TSPAN33: variants seen among roughly 807,000 people sequenced by gnomAD.
TSPAN33 encodes tetraspanin-33.
TSPAN33 carries 27 observed loss-of-function variants against 34.8 expected under a neutral mutation model. The observed-to-expected ratio is 0.78, with a 90% CI of 0.57 to 1.07. TSPAN33 has a LOEUF of 1.07. TSPAN33 is among the 50% of genes least tolerant of loss of function. The pLI is 0.00. For missense variants in TSPAN33, 272 were observed against 324.9 expected (o/e 0.84, Z 1.25); for synonymous variants, 119 against 124.2 (o/e 0.96, Z 0.28).
intron 1 of TSPAN33, among the ~76,000 whole-genome samples, chr7:129,145,810 C>G (rs955751089): frequency 2.6e-5 from 4 of 151,662 alleles, no homozygotes; most frequent in Non-Finnish European, 5.9e-5. Context: ...GATTCCCATC[C>G]CACTCTGCCG....
At chr7:129,166,953 C>T in intron 6 of TSPAN33, 47 bp downstream of exon 6, 1 of 1,595,602 alleles carries the variant, frequency 6.3e-7, no homozygotes, top group Non-Finnish European at 8.5e-7. Flanking sequence ...CGAGCTGAGT[C>T]ACTTTCTGAT....
rs753717547 is a variant in TSPAN33, at chr7:129,164,522, C to T, written c.412C>T (p.Arg138Ter). ...CATCAACAATGCCATTGTGCACTAC[C>T]GAGATGACTTGGATCTGCAGAACCT... ...EIINNAIVHYRDDLDLQNLID... is the reference protein window; with the variant it reads ...EIINNAIVHY Residue 138 changes from arginine (R) to a stop codon, truncating the protein, a stop_gained, in exon 5 of 8, where the codon CGA (arginine) becomes TGA (stop). Transcript: ENST00000486685. LOFTEE classifies it high-confidence loss of function. 67 of 1,613,928 alleles carry T rather than the reference C, an allele frequency of 4.2e-5. No individual in the cohort carries two copies. The highest frequency in any genetic ancestry group is 5.3e-5 in the Non-Finnish European group (62 of 1,180,010).
rs1488836568 is a variant in TSPAN33, at chr7:129,167,973, GCC to G, written c.*104_*105del. The G allele has an allele frequency of 1.3e-6, 2 of 1,507,370 alleles. No homozygotes were observed. Among genetic ancestry groups the G allele is most frequent in the Non-Finnish European group, 1.8e-6 (2 of 1,129,850 alleles). 93.4% of individuals were successfully genotyped at this position (1,507,370 alleles called of 1,614,324 possible). On this transcript the variant is annotated 3_prime_UTR_variant, in exon 8 of 8. Transcript: ENST00000486685. The surrounding 1 kb of genome is among the most constrained non-coding windows in gnomAD (Gnocchi z 4.6). ...GCACCAAATGGAGATTTGGATTCCA[GCC>G]CCCCAGTGACAGCCCAGTGGGAAGA...
At chr7:129,154,227 C>G (rs950933633) in intron 1 of TSPAN33, among the ~76,000 whole-genome samples, 1 of 151,982 alleles carries the variant, frequency 6.6e-6, no homozygotes, top group Non-Finnish European at 1.5e-5. Context: ...GAGGCTGAGG[C>G]AGGAGAATCT....
In TSPAN33 at chr7:129,168,923, ACGCCACACACCTCCCCCTTGCTGCC is replaced by A. The variant is rs1235689950; in HGVS notation, c.*1058_*1082del. On this transcript the variant is annotated 3_prime_UTR_variant, in exon 8 of 8. Transcript: ENST00000486685. Reference sequence around the variant, plus strand: ...AGGACGGCACTGGAGACTCTCCTAAACGCCACACACCTCCCCCTTGCTGCCCGCCACACGCGCGTCTCCTTCAACC... The same window carrying A: ...AGGACGGCACTGGAGACTCTCCTAAACGCCACACGCGCGTCTCCTTCAACC... 1 of 152,030 alleles carries A rather than the reference ACGCCACACACCTCCCCCTTGCTGCC, an allele frequency of 6.6e-6. No individual in the cohort carries two copies. The highest frequency in any genetic ancestry group is 1.5e-5 in the Non-Finnish European group (1 of 68,074). The allele number at this position is 152,030 out of a possible 1,614,324, so 9.4% of individuals were successfully genotyped here.
At chr7:129,160,462 G>T (rs986465092) in intron 1 of TSPAN33, among the ~76,000 whole-genome samples, 7 of 152,190 alleles carry the variant, frequency 4.6e-5, no homozygotes, top group Admixed American at 4.6e-4. Context: ...GGTGGCCAAG[G>T]GAAGTAGGCA....
intron 1 of TSPAN33, among the ~76,000 whole-genome samples, chr7:129,160,052 C>CA: frequency 6.6e-6 from 1 of 151,850 alleles, no homozygotes; most frequent in East Asian, 1.9e-4. Context: ...CCTCACCCCG[C>CA]AAAAAAGAGG....
At chr7:129,156,958 C>T (rs1044823056) in intron 1 of TSPAN33, among the ~76,000 whole-genome samples, 1 of 152,206 alleles carries the variant, frequency 6.6e-6, no homozygotes, top group Non-Finnish European at 1.5e-5. Flanking sequence ...AAAAGCTAGA[C>T]TCAGCCATTT....
rs1231857757 is a variant in TSPAN33 at position 129,162,456 on chromosome 7, A to T, written c.223A>T (p.Met75Leu). 1.9e-6 allele frequency: 3 copies of T among 1,613,796 alleles called. No homozygotes were observed. Among genetic ancestry groups the T allele is most frequent in the African/African-American group, 2.7e-5 (2 of 74,888 alleles). Residue 75 changes from methionine to leucine, a missense_variant, in exon 3 of 8, where the codon ATG becomes TTG. Met to Leu is a conservative substitution (Grantham distance 15, BLOSUM62 2). Transcript: ENST00000486685. ...AILLIVVGVL[M>L]FLLTFCGCIG... ...CCTGCTGATCGTGGTGGGTGTCCTC[A>T]TGTTCCTGCTCACCTTCTGTGGCTG...
chr7:129,165,973 G>C lies in TSPAN33; in HGVS notation c.460-805G>C, dbSNP rs929354026. Among the ~76,000 whole-genome samples, 1 of 150,774 alleles carries C rather than the reference G, an allele frequency of 6.6e-6. No homozygotes were observed. The highest frequency in any genetic ancestry group is 2.4e-5 in the African/African-American group (1 of 41,034). On this transcript the variant is annotated intron_variant, in intron 5 of 7. Coordinates refer to ENST00000486685, the MANE Select transcript of TSPAN33 (RefSeq NM_178562.5). The surrounding 1 kb of genome is among the most constrained non-coding windows in gnomAD (Gnocchi z 4.5). ...TTTCCCTGAGACGGAGTCTTGCTCT[G>C]TTACCCAGGCTGGAGTACAATGGCG...
chr7:129,164,181 C>A (rs1029614590), intron 4 of TSPAN33, among the ~76,000 whole-genome samples: 1 of 152,140 alleles, frequency 6.6e-6, no homozygotes, highest in Non-Finnish European at 1.5e-5. Context: ...TTTTATCAGT[C>A]AACAAGTATT....
At chr7:129,155,880 A>G (rs1204724598) in intron 1 of TSPAN33, among the ~76,000 whole-genome samples, 1 of 151,940 alleles carries the variant, frequency 6.6e-6, no homozygotes, top group African/African-American at 2.4e-5. Flanking sequence ...ATGCACCACC[A>G]TACTCAGATT....
At chr7:129,164,699 A>G (rs1371406012) in intron 5 of TSPAN33, 130 bp downstream of exon 5, 1 of 786,716 alleles carries the variant, frequency 1.3e-6, no homozygotes, top group Admixed American at 1.9e-5. Flanking sequence ...GGGGTTTGGC[A>G]AAAAAGCACA....
At position 129,162,397 on chromosome 7, in the gene TSPAN33, C is replaced by A; in HGVS notation, c.164C>A (p.Ala55Glu). The A allele has an allele frequency of 6.2e-7, 1 of 1,612,820 alleles. No homozygotes were observed. The change falls in exon 3 of 8, where the codon GCA becomes GAA. Residue 55 changes from alanine to glutamate, a missense_variant. By Grantham distance (107) the Ala-to-Glu change is moderately radical (BLOSUM62 -1). Coordinates refer to ENST00000486685, the MANE Select transcript of TSPAN33 (RefSeq NM_178562.5). ...VYARLMKHAE[A>E]ALACLAVDPA... The stretch of plus-strand genomic sequence containing the variant: ...TGAGGGCCGGCTCCTTTTCCAGAAG[C>A]AGCCCTAGCCTGCCTGGCAGTGGAC...
In TSPAN33 at chr7:129,168,082, C is replaced by T. The variant is rs11547122; in HGVS notation, c.*208C>T. 0.036 allele frequency: 36,436 copies of T among 1,014,096 alleles called. 2,774 individuals carry two copies. Among genetic ancestry groups the T allele is most frequent in the East Asian group, 0.34 (12,464 of 36,548 alleles). The allele number at this position is 1,014,096 out of a possible 1,614,324, so 62.8% of individuals were successfully genotyped here. The stretch of plus-strand genomic sequence containing the variant: ...ATGCGCCTCCTCTCCCCCATCCCAG[C>T]CCTCAGCATTGTGCCAGAGTGATAC... On this transcript the variant is annotated 3_prime_UTR_variant, in exon 8 of 8. Coordinates refer to ENST00000486685, the MANE Select transcript of TSPAN33 (RefSeq NM_178562.5).
chr7:129,152,554 G>T (rs927087687), intron 1 of TSPAN33, among the ~76,000 whole-genome samples: 1 of 152,064 alleles, frequency 6.6e-6, no homozygotes, highest in Non-Finnish European at 1.5e-5. Context: ...TGTTGTGGTG[G>T]CATGCACCTG....
chr7:129,155,005 C>G (rs1267137543), intron 1 of TSPAN33, among the ~76,000 whole-genome samples: 4 of 152,142 alleles, frequency 2.6e-5, no homozygotes, highest in Non-Finnish European at 5.9e-5. Flanking sequence ...ATGGAATAAC[C>G]TTAAGTGTCC....
chr7:129,164,593 G>T (rs749891631), intron 5 of TSPAN33, 24 bp downstream of exon 5: 4 of 1,600,522 alleles, frequency 2.5e-6, no homozygotes, highest in Non-Finnish European at 3.4e-6. Context: ...AGTGGTCTGG[G>T]GGACTGTGGG....
intron 2 of TSPAN33, among the ~76,000 whole-genome samples, chr7:129,161,968 T>C (rs1793061813): frequency 6.6e-6 from 1 of 152,110 alleles, no homozygotes; most frequent in Non-Finnish European, 1.5e-5. Context: ...TTAGGAAGTG[T>C]GTGAGAAAGA....
Sources: allele counts gnomAD v4.1 joint callset (sites outside exome capture counted in the v4.1 genomes callset), GRCh38; gene constraint gnomAD v4.1.1; non-coding constraint Gnocchi (gnomAD v3.1); transcripts MANE v1.5; gene names NCBI Gene and HGNC (gene_info 2026-07-23, HGNC 2026-07-21).